EPN2: variants seen among roughly 807,000 people sequenced by gnomAD.
EPN2 encodes epsin-2.
EPN2 carries 34 observed loss-of-function variants against 61.7 expected under a neutral mutation model. That is an observed-to-expected ratio of 0.55 (90% CI 0.42 to 0.73). The LOEUF (loss-of-function observed/expected upper bound fraction) is 0.73. EPN2 is among the 30% of genes least tolerant of loss of function. The probability of loss-of-function intolerance (pLI) is 0.00; values close to 1 mark genes in which losing one functional copy is unlikely to be tolerated. For synonymous variants in EPN2, 349 were observed against 353.6 expected, an observed-to-expected ratio of 0.99 and a Z score of 0.15; for missense variants, 714 against 839.2, an observed-to-expected ratio of 0.85 and a Z score of 1.84.
chr17:19,264,947 C>T (rs965796758), intron 1 of EPN2, among the ~76,000 whole-genome samples: 1 of 151,792 alleles, frequency 6.6e-6, no homozygotes, highest in African/African-American at 2.4e-5. Context: ...GCCTCTGGCT[C>T]AGTCAGCTGG....
chr17:19,290,686 A>G (rs564652280), intron 4 of EPN2, among the ~76,000 whole-genome samples: 2 of 117,174 alleles, frequency 1.7e-5, no homozygotes, highest in Admixed American at 1.0e-4. Flanking sequence ...TTAACTGCCC[A>G]GCATTCCCGT....
intron 7 of EPN2, among the ~76,000 whole-genome samples, chr17:19,316,594 T>C (rs1232330314): frequency 6.6e-6 from 1 of 152,250 alleles, no homozygotes; most frequent in Non-Finnish European, 1.5e-5. Context: ...AATGTTAGCT[T>C]GTCTGCTTCC....
intron 4 of EPN2, among the ~76,000 whole-genome samples, chr17:19,293,585 G>A (rs1301763228): frequency 7.5e-6 from 1 of 132,822 alleles, no homozygotes; most frequent in Non-Finnish European, 1.6e-5. Context: ...TAGAGGTGGG[G>A]TTTTGCCACG....
At chr17:19,310,088 T>A (rs899989798) in intron 5 of EPN2, 91 bp downstream of exon 5, 10 of 876,734 alleles carry the variant, frequency 1.1e-5, no homozygotes, top group Non-Finnish European at 1.7e-5. Context: ...GACACAGCCC[T>A]GTCTTCAAAA....
intron 4 of EPN2, among the ~76,000 whole-genome samples, chr17:19,307,544 C>T (rs1905907226): frequency 6.6e-6 from 1 of 152,222 alleles, no homozygotes. Flanking sequence ...AATCTCCTGA[C>T]CTCGTAGCTA....
intron 7 of EPN2, among the ~76,000 whole-genome samples, chr17:19,319,599 A>G (rs1906552678): frequency 6.6e-6 from 1 of 151,688 alleles, no homozygotes; most frequent in Non-Finnish European, 1.5e-5. Flanking sequence ...CCAAAGTGCT[A>G]GGATTACAGG....
At chr17:19,237,992 C>G (rs1022867326) in intron 1 of EPN2, among the ~76,000 whole-genome samples, 2 of 152,188 alleles carry the variant, frequency 1.3e-5, no homozygotes, top group South Asian at 2.1e-4. Context: ...GTGCAGAGCC[C>G]GGTCCGGGCG....
At chr17:19,284,709 G>A (rs2045388228) in intron 3 of EPN2, among the ~76,000 whole-genome samples, 1 of 152,232 alleles carries the variant, frequency 6.6e-6, no homozygotes, top group African/African-American at 2.4e-5. Context: ...TCTGTTACCA[G>A]ACCATTTACT....
chr17:19,330,446 G>A (rs1301125293), intron 9 of EPN2, among the ~76,000 whole-genome samples: 1 of 152,056 alleles, frequency 6.6e-6, no homozygotes, highest in Admixed American at 6.5e-5. Flanking sequence ...CTGGTGTGAG[G>A]TACAAGCAGC....
chr17:19,240,661 A>G (rs897141019), intron 1 of EPN2, among the ~76,000 whole-genome samples: 2 of 152,170 alleles, frequency 1.3e-5, no homozygotes, highest in Non-Finnish European at 2.9e-5. Context: ...CTCTTCTGTC[A>G]ATACTTTGCC....
intron 4 of EPN2, among the ~76,000 whole-genome samples, chr17:19,299,326 G>A (rs890239470): frequency 2.0e-5 from 3 of 152,230 alleles, no homozygotes; most frequent in African/African-American, 7.2e-5. Flanking sequence ...TGAAGTGCCC[G>A]CTCACCTCAG....
At chr17:19,329,440 AGGTAGGGTAAGC>A in intron 8 of EPN2, 109 bp from the exon 9 acceptor site, 1 of 634,672 alleles carries the variant, frequency 1.6e-6, no homozygotes. Context: ...CTCCTCCATG[AGGTAGGGTAAGC>A]GGGGAGAGGC....
intron 3 of EPN2, among the ~76,000 whole-genome samples, chr17:19,284,134 A>G (rs2045383018): frequency 6.6e-6 from 1 of 152,208 alleles, no homozygotes; most frequent in African/African-American, 2.4e-5. Context: ...ATCTCATATT[A>G]AGTGTTTTTC....
chr17:19,287,774 G>C (rs1277919660), intron 4 of EPN2, among the ~76,000 whole-genome samples: 1 of 152,166 alleles, frequency 6.6e-6, no homozygotes, highest in African/African-American at 2.4e-5. Context: ...CTTCACATGA[G>C]AGCAGCCACA....
At chr17:19,308,946 T>G (rs1905987099) in intron 4 of EPN2, among the ~76,000 whole-genome samples, 1 of 152,298 alleles carries the variant, frequency 6.6e-6, no homozygotes, top group South Asian at 2.1e-4. Flanking sequence ...CAATAAAAAC[T>G]GTCTTTCCAG....
chr17:19,316,045 T>C (rs1318979706), intron 7 of EPN2, among the ~76,000 whole-genome samples: 1 of 152,244 alleles, frequency 6.6e-6, no homozygotes, highest in Non-Finnish European at 1.5e-5. Context: ...GGTTCATCAA[T>C]GTTATAGCGT....
intron 1 of EPN2, among the ~76,000 whole-genome samples, chr17:19,257,523 C>CTT (rs34201206): frequency 5.4e-5 from 4 of 73,418 alleles, no homozygotes; most frequent in Non-Finnish European, 4.1e-5. Context: ...CTCTCTCTCT[C>CTT]TTTTTTTTTT....
intron 1 of EPN2, among the ~76,000 whole-genome samples, chr17:19,238,011 G>T (rs1355247120): frequency 6.6e-6 from 1 of 152,082 alleles, no homozygotes; most frequent in East Asian, 1.9e-4. Flanking sequence ...CGCCCTCCGG[G>T]AATCGGGGGA....
chr17:19,238,500 T>C (rs1447325141), intron 1 of EPN2, among the ~76,000 whole-genome samples: 1 of 152,206 alleles, frequency 6.6e-6, no homozygotes, highest in Non-Finnish European at 1.5e-5. Flanking sequence ...TCTGGGCGAC[T>C]CCTTCACAGT....
Sources: gnomAD v4.1 joint callset for allele counts (sites outside exome capture counted in the v4.1 genomes callset) on GRCh38, gnomAD v4.1.1 for gene constraint, MANE v1.5 for transcripts, NCBI Gene and HGNC (gene_info 2026-07-23, HGNC 2026-07-21) for gene names.